Variants in GNL3L observed in about 807,000 individuals in gnomAD.
GNL3L encodes guanine nucleotide-binding protein-like 3-like protein.
Under a neutral mutation model 42.9 loss-of-function variants are expected in GNL3L, and 4 were observed. That is an observed-to-expected ratio of 0.09 (90% CI 0.05 to 0.21). The LOEUF is 0.21. Ranked by LOEUF, GNL3L falls within the 10% of genes least tolerant of loss-of-function variation. The pLI is 1.00. For missense variants in GNL3L, 412 were observed against 481.7 expected (o/e 0.86, Z 1.36); for synonymous variants, 159 against 176.3 (o/e 0.90, Z 0.78).
At chrX:54,531,666 C>G (rs2147466720) in intron 1 of GNL3L, among the ~76,000 whole-genome samples, 1 of 111,363 alleles carries the variant, frequency 9.0e-6, no homozygotes, top group African/African-American at 3.3e-5. Flanking sequence ...GGTGCAGACC[C>G]GCTTATTCAA....
At chrX:54,631,893 A>AT in the GNL3L span, among the ~76,000 whole-genome samples, 9,620 of 111,058 alleles carry the variant, frequency 0.087, 917 homozygotes, top group African/African-American at 0.28. Flanking sequence ...AGGAGGTTCT[A>AT]TTTTTGGTGT....
At chrX:54,639,568 G>C in the GNL3L span, among the ~76,000 whole-genome samples, 3 of 112,212 alleles carry the variant, frequency 2.7e-5, no homozygotes, top group Non-Finnish European at 5.6e-5. Context: ...ACAATGGCGA[G>C]CAAGCGGTCG....
intron 13 of GNL3L, among the ~76,000 whole-genome samples, chrX:54,553,594 C>T (rs1925005277): frequency 9.0e-6 from 1 of 111,373 alleles, no homozygotes; most frequent in African/African-American, 3.3e-5. Flanking sequence ...GGCTGGAGTA[C>T]AGTGGTATGA....
At chrX:54,624,634 TTTCAC>T (rs1926332787), downstream of GNL3L, among the ~76,000 whole-genome samples, 1 of 107,615 alleles carries the variant, frequency 9.3e-6, no homozygotes. Flanking sequence ...AGAGACGGGG[TTTCAC>T]CATGTTAGTC....
rs763771840 is a variant in GNL3L, at chrX:54,583,171, G to T, written c.*45+22524G>T. On this transcript the variant is annotated intron_variant, in intron 16 of 16. Coordinates refer to the GNL3L transcript ENST00000674498. ...AGCGAATGTTTTAAAATTTGATGAG[G>T]TCCTATTTATTTATTTATTTTATTT... 2.3e-3 allele frequency among the ~76,000 whole-genome samples: 260 copies of T among 110,736 alleles called. 1 individual carries two copies. Among genetic ancestry groups the T allele is most frequent in the Non-Finnish European group, 4.1e-3 (216 of 52,889 alleles).
At chrX:54,626,518 A>AT (rs1330296344), downstream of GNL3L, among the ~76,000 whole-genome samples, 1 of 111,463 alleles carries the variant, frequency 9.0e-6, no homozygotes, top group Non-Finnish European at 1.9e-5. Flanking sequence ...TGATATACTG[A>AT]TTTTGTTTCC....
intron 16 of GNL3L, among the ~76,000 whole-genome samples, chrX:54,607,053 T>TTTC (rs1569542593): frequency 3.0e-5 from 2 of 67,086 alleles, no homozygotes; most frequent in African/African-American, 1.8e-4. Context: ...TCTTTCTTTC[T>TTTC]TTCTTTCTTT....
chrX:54,631,650 G>A, the GNL3L span, among the ~76,000 whole-genome samples: 1 of 111,309 alleles, frequency 9.0e-6, no homozygotes, highest in Admixed American at 9.6e-5. Flanking sequence ...TTAAGTTTAT[G>A]TGAAACCTTA....
At chrX:54,559,513 A>C (rs1260647427) in intron 15 of GNL3L, among the ~76,000 whole-genome samples, 1 of 111,683 alleles carries the variant, frequency 9.0e-6, no homozygotes, top group African/African-American at 3.3e-5. Context: ...TACTGGACAC[A>C]TGGTTTTGCC....
rs1465665198 is a variant in GNL3L at position 54,572,454 on chromosome X, CTTT to C, written c.*45+11808_*45+11810del. On this transcript the variant is annotated intron_variant, in intron 16 of 16. Transcript: ENST00000674498. ...TCCGATTTCTCAATCTTTTCCCCACCTTTCCCCCCTTTCTATTCCACAAAGCCG... is the reference window on the plus strand; with the variant it reads ...TCCGATTTCTCAATCTTTTCCCCACCCCCCCCTTTCTATTCCACAAAGCCG... Among the ~76,000 whole-genome samples, 29 of 111,997 alleles carry C rather than the reference CTTT, an allele frequency of 2.6e-4. No individual in the cohort carries two copies. The South Asian group carries it at 7.0e-3, about 27-fold the overall frequency.
At chrX:54,531,772 A>ACAGATCTGT (rs1265722184) in intron 1 of GNL3L, among the ~76,000 whole-genome samples, 3 of 111,114 alleles carry the variant, frequency 2.7e-5, no homozygotes, top group African/African-American at 9.8e-5. Context: ...CTAGAGATAA[A>ACAGATCTGT]CAGATCTGTG....
intron 16 of GNL3L, among the ~76,000 whole-genome samples, chrX:54,598,400 C>A (rs1014771491): frequency 1.8e-5 from 2 of 111,299 alleles, no homozygotes; most frequent in African/African-American, 6.5e-5. Context: ...CAACTCCTAA[C>A]CAGACTAACA....
At chrX:54,544,862 A>G (rs1924728460) in intron 8 of GNL3L, among the ~76,000 whole-genome samples, 1 of 111,169 alleles carries the variant, frequency 9.0e-6, no homozygotes, top group South Asian at 3.8e-4. Context: ...AGTTGTAAGG[A>G]TAAAACATAA....
intron 16 of GNL3L, among the ~76,000 whole-genome samples, chrX:54,592,180 G>A (rs1040635864): frequency 9.8e-5 from 11 of 111,845 alleles, no homozygotes; most frequent in African/African-American, 3.6e-4. Context: ...CTACTTTTCT[G>A]AATTTACCAG....
chrX:54,531,009 C>T (rs937969691), intron 1 of GNL3L, among the ~76,000 whole-genome samples: 1 of 111,860 alleles, frequency 8.9e-6, no homozygotes, highest in Non-Finnish European at 1.9e-5. Flanking sequence ...AGCCAATTGC[C>T]CCCTCCTCTT....
At chrX:54,557,654 G>A (rs1306031316) in intron 14 of GNL3L, among the ~76,000 whole-genome samples, 5 of 109,442 alleles carry the variant, frequency 4.6e-5, no homozygotes, top group African/African-American at 1.7e-4. Flanking sequence ...GGCTGGTCTC[G>A]AACTCCTGAC....
intron 16 of GNL3L, among the ~76,000 whole-genome samples, chrX:54,610,955 G>T (rs1926155329): frequency 9.0e-6 from 1 of 111,447 alleles, no homozygotes; most frequent in Non-Finnish European, 1.9e-5. Context: ...GTAGAATTCT[G>T]CTGTGAATCT....
chrX:54,558,891 A>C (rs969521351), intron 15 of GNL3L, among the ~76,000 whole-genome samples: 2 of 111,909 alleles, frequency 1.8e-5, no homozygotes, highest in African/African-American at 6.5e-5. Flanking sequence ...TCCTGACCTC[A>C]GGTGATCCAC....
intron 16 of GNL3L, among the ~76,000 whole-genome samples, chrX:54,600,772 A>G (rs1039958841): frequency 9.0e-6 from 1 of 111,289 alleles, no homozygotes; most frequent in Non-Finnish European, 1.9e-5. Flanking sequence ...CACATGTAAA[A>G]TGGTACAGCC....
Sources: allele counts gnomAD v4.1 joint callset (sites outside exome capture counted in the v4.1 genomes callset), GRCh38; gene constraint gnomAD v4.1.1; transcripts MANE v1.5; gene names NCBI Gene and HGNC (gene_info 2026-07-23, HGNC 2026-07-21).